IGF1R: variants seen among roughly 807,000 people sequenced by gnomAD.
IGF1R encodes the protein insulin-like growth factor 1 receptor.
Under a neutral mutation model 144.6 loss-of-function variants are expected in IGF1R, and 44 were observed. The observed-to-expected ratio is 0.30, with a 90% CI of 0.24 to 0.39. IGF1R has a LOEUF of 0.39. IGF1R is among the 10% of genes least tolerant of loss of function. The pLI is 1.00. For missense variants in IGF1R, 1,355 were observed against 1,833.7 expected (o/e 0.74, Z 4.77); for synonymous variants, 795 against 722.8 (o/e 1.10, Z -1.60).
intron 2 of IGF1R, among the ~76,000 whole-genome samples, chr15:98,886,994 A>G (rs886719026): frequency 1.3e-5 from 2 of 152,160 alleles, no homozygotes; most frequent in African/African-American, 4.8e-5. Flanking sequence ...TCTTCTCCCC[A>G]TCACATTCCA....
intron 5 of IGF1R, among the ~76,000 whole-genome samples, chr15:98,901,864 C>T (rs949817167): frequency 6.6e-6 from 1 of 152,064 alleles, no homozygotes; most frequent in Non-Finnish European, 1.5e-5. Flanking sequence ...GCAAAGGCAA[C>T]GAGTTGGGGC....
chr15:98,861,008 AT>A (rs552092086), intron 2 of IGF1R, among the ~76,000 whole-genome samples: 10 of 150,504 alleles, frequency 6.6e-5, no homozygotes, highest in South Asian at 4.2e-4. Flanking sequence ...CCTTTGCATG[AT>A]TTTTTTTTCT....
At position 98,949,012 on chromosome 15, in the gene IGF1R, C is replaced by A. The variant is rs186062325; in HGVS notation, c.3722+304C>A. The stretch of plus-strand genomic sequence containing the variant: ...GTTTGGCCAGAGTAATCCATCCTTA[C>A]TCATCCTCTCCATGTGAGGTTTTTG... On this transcript the variant is annotated intron_variant, in intron 20 of 20. Coordinates refer to ENST00000650285, the MANE Select transcript of IGF1R (RefSeq NM_000875.5). Among the ~76,000 whole-genome samples the A allele has an allele frequency of 1.2e-3, 176 of 152,334 alleles. 1 individual carries two copies. Among genetic ancestry groups the A allele is most frequent in the Non-Finnish European group, 1.8e-4 (12 of 68,024 alleles).
At chr15:98,793,065 G>A (rs893138356) in intron 2 of IGF1R, among the ~76,000 whole-genome samples, 2 of 152,204 alleles carry the variant, frequency 1.3e-5, no homozygotes, top group African/African-American at 4.8e-5. Flanking sequence ...CACTGCAAGA[G>A]AACCTCCAGG....
At chr15:98,837,101 T>C (rs2011104109) in intron 2 of IGF1R, among the ~76,000 whole-genome samples, 1 of 152,240 alleles carries the variant, frequency 6.6e-6, no homozygotes, top group Non-Finnish European at 1.5e-5. Flanking sequence ...CTTTTCTTTT[T>C]TCTTTTTTTG....
chr15:98,795,535 C>T (rs1454844173), intron 2 of IGF1R, among the ~76,000 whole-genome samples: 1 of 152,140 alleles, frequency 6.6e-6, no homozygotes, highest in African/African-American at 2.4e-5. Flanking sequence ...CTGCCTCAGC[C>T]TCCCGAGCAG....
intron 2 of IGF1R, among the ~76,000 whole-genome samples, chr15:98,747,962 C>T (rs910003184): frequency 4.0e-5 from 6 of 151,860 alleles, no homozygotes; most frequent in Non-Finnish European, 7.4e-5. Flanking sequence ...GGTGTGGATT[C>T]GTTAGGCCAA....
At position 98,834,777 on chromosome 15, in the gene IGF1R, T is replaced by C. The variant is rs76942760; in HGVS notation, c.641-56548T>C. On this transcript the variant is annotated intron_variant, in intron 2 of 20. Coordinates refer to ENST00000650285, the MANE Select transcript of IGF1R (RefSeq NM_000875.5). ...GCCCCTGGACATGGAAGGGTTTTCA[T>C]TGGGAGATGGCATTTAGGGCATCCT... 6.3e-4 allele frequency among the ~76,000 whole-genome samples: 96 copies of C among 152,274 alleles called. No homozygotes were observed. In the East Asian group the frequency reaches 0.015, roughly 24 times the overall value.
At chr15:98,923,587 T>G (rs901202672) in intron 11 of IGF1R, among the ~76,000 whole-genome samples, 1 of 152,224 alleles carries the variant, frequency 6.6e-6, no homozygotes, top group Non-Finnish European at 1.5e-5. Context: ...AGGCTTTTTT[T>G]GTTGAGGGAC....
chr15:98,747,005 C>T (rs190029592), intron 2 of IGF1R, among the ~76,000 whole-genome samples: 3 of 152,114 alleles, frequency 2.0e-5, no homozygotes, highest in South Asian at 2.1e-4. Context: ...TCACCAGGTG[C>T]GTGGATCGCT....
chr15:98,839,695 C>T (rs2011142304), intron 2 of IGF1R, among the ~76,000 whole-genome samples: 1 of 152,196 alleles, frequency 6.6e-6, no homozygotes, highest in South Asian at 2.1e-4. Context: ...TCTGCTTTGT[C>T]CCCATTAATG....
chr15:98,929,265 C>T (rs12324908), intron 13 of IGF1R, among the ~76,000 whole-genome samples: 14,341 of 152,036 alleles, frequency 0.094, 1,500 homozygotes, highest in African/African-American at 0.26. Context: ...CATTAAACTG[C>T]GTACAAAGAT....
At position 98,923,913 on chromosome 15, in the gene IGF1R, G is replaced by A. The variant is rs765928556; in HGVS notation, c.2523G>A (p.Glu841=). ...ADDIPGPVTW[E]PRPENSIFLK... ...ACATTCCTGGGCCAGTGACCTGGGA[G>A]CCAAGGCCTGAAAACTCCATCTTTT... is the stretch of plus-strand genomic sequence containing the variant. Residue 841 remains glutamate, a synonymous_variant, in exon 12 of 21, where the codon GAG becomes GAA. Transcript: ENST00000650285. The A allele has an allele frequency of 1.2e-6, 2 of 1,612,708 alleles. No homozygotes were observed. The highest frequency in any genetic ancestry group is 1.7e-6 in the Non-Finnish European group (2 of 1,178,766).
rs558603216 is a variant in IGF1R at position 98,872,663 on chromosome 15, G to C, written c.641-18662G>C. Among the ~76,000 whole-genome samples, 128 of 152,308 alleles carry C rather than the reference G, an allele frequency of 8.4e-4. 1 individual carries two copies. Among genetic ancestry groups the C allele is most frequent in the Non-Finnish European group, 1.5e-3 (99 of 68,042 alleles). On this transcript the variant is annotated intron_variant, in intron 2 of 20. Coordinates refer to ENST00000650285, the MANE Select transcript of IGF1R (RefSeq NM_000875.5). ...CTTATGTGTATACTGAGGAAAACAA[G>C]TCCCTCTGATACACAGCAGCCAATA... is the stretch of plus-strand genomic sequence containing the variant.
chr15:98,869,184 A>G (rs1442878680), intron 2 of IGF1R, among the ~76,000 whole-genome samples: 2 of 152,174 alleles, frequency 1.3e-5, no homozygotes, highest in Admixed American at 6.5e-5. Context: ...CTGTTGAAAC[A>G]TAGGAAAGTA....
chr15:98,942,796 C>A, intron 18 of IGF1R, 127 bp from the exon 19 acceptor site: 1 of 1,257,584 alleles, frequency 8.0e-7, no homozygotes, highest in Non-Finnish European at 1.2e-6. Flanking sequence ...TATTTGGCCA[C>A]CTTAAAGTGG....
chr15:98,834,970 T>C (rs146552981), intron 2 of IGF1R, among the ~76,000 whole-genome samples: 1,843 of 152,204 alleles, frequency 0.012, 40 homozygotes, highest in African/African-American at 0.041. Context: ...GTTTGTAAGA[T>C]GGCGAGTGTT....
intron 15 of IGF1R, among the ~76,000 whole-genome samples, chr15:98,932,997 C>T (rs2016003660): frequency 6.6e-6 from 1 of 152,190 alleles, no homozygotes; most frequent in Non-Finnish European, 1.5e-5. Context: ...TTGTCAGCCT[C>T]TCACATCCAG....
intron 3 of IGF1R, among the ~76,000 whole-genome samples, chr15:98,895,020 CAAAA>C (rs368393677): frequency 8.9e-6 from 1 of 112,508 alleles, no homozygotes; most frequent in African/African-American, 3.6e-5. Context: ...GACCCTGTCT[CAAAA>C]AAAAAAAAAA....
Sources: gnomAD v4.1 joint callset for allele counts (sites outside exome capture counted in the v4.1 genomes callset) on GRCh38, gnomAD v4.1.1 for gene constraint, MANE v1.5 for transcripts, NCBI Gene and HGNC (gene_info 2026-07-23, HGNC 2026-07-21) for gene names.